SPTB: variants seen among roughly 807,000 people sequenced by gnomAD.
SPTB encodes spectrin beta, erythrocytic.
SPTB carries 45 observed loss-of-function variants against 256.2 expected under a neutral mutation model. The ratio of observed to expected loss-of-function variants is 0.18; its 90% CI spans 0.14 to 0.23. The LOEUF is 0.23. Ranked by LOEUF, SPTB falls within the 10% of genes least tolerant of loss-of-function variation. The probability of loss-of-function intolerance (pLI) is 1.00; values close to 1 mark genes in which losing one functional copy is unlikely to be tolerated. For missense variants in SPTB, 2,715 were observed against 3,040.4 expected (o/e 0.89, Z 2.52); for synonymous variants, 1,231 against 1,243.1 (o/e 0.99, Z 0.21).
chr14:64,767,441 C>T (rs999110030), intron 30 of SPTB, 89 bp from the exon 31 acceptor site: 2 of 1,553,330 alleles, frequency 1.3e-6, no homozygotes, highest in Non-Finnish European at 1.8e-6. Flanking sequence ...GCCCTGCACC[C>T]CCACATGCCC....
chr14:64,753,934 C>T (rs1324404085), intron 32 of SPTB, 141 bp from the exon 33 acceptor site: 6 of 1,105,354 alleles, frequency 5.4e-6, no homozygotes, highest in African/African-American at 1.5e-5. Flanking sequence ...TCCTGGCCCA[C>T]CCTGGCTCTC....
intron 32 of SPTB, among the ~76,000 whole-genome samples, chr14:64,761,878 T>G (rs1032431014): frequency 1.3e-5 from 2 of 152,018 alleles, no homozygotes. Context: ...GGTCACATCG[T>G]CCACTTCAAA....
rs138485044 is a variant in SPTB at position 64,790,139 on chromosome 14, G to A, written c.2804+1580C>T. On this transcript the variant is annotated intron_variant, in intron 15 of 35. Transcript: ENST00000644917. This position sits in a 1 kb window ranked among gnomAD's most constrained non-coding sequence, Gnocchi z 4.8. ...AAATGAGATAGGCTGCCGGGTGAGG[G>A]AGTGAGTTCCCCATCACTGGCTAGA... Among the ~76,000 whole-genome samples, 288 of 152,260 alleles carry A rather than the reference G, an allele frequency of 1.9e-3. No individual in the cohort carries two copies. Among genetic ancestry groups the A allele is most frequent in the African/African-American group, 5.7e-3 (238 of 41,554 alleles).
chr14:64,788,640 C>T (rs1477659818), intron 15 of SPTB, among the ~76,000 whole-genome samples: 1 of 152,148 alleles, frequency 6.6e-6, no homozygotes, highest in African/African-American at 2.4e-5. Context: ...GGCTGTGTCC[C>T]CAGGCAAGAG....
At chr14:64,776,663 A>T (rs1267129541) in intron 22 of SPTB, among the ~76,000 whole-genome samples, 1 of 152,204 alleles carries the variant, frequency 6.6e-6, no homozygotes, top group Non-Finnish European at 1.5e-5. Context: ...GCTGGTCTCA[A>T]ACTCCTGGGC....
intron 27 of SPTB, among the ~76,000 whole-genome samples, chr14:64,770,293 T>G (rs1290357043): frequency 6.6e-6 from 1 of 152,162 alleles, no homozygotes; most frequent in Non-Finnish European, 1.5e-5. Context: ...ACACACTAAA[T>G]GGATGAAGTG....
At chr14:64,851,769 A>T (rs540458280) in intron 1 of SPTB, among the ~76,000 whole-genome samples, 1 of 152,264 alleles carries the variant, frequency 6.6e-6, no homozygotes, top group East Asian at 1.9e-4. Flanking sequence ...AGGAATAGAA[A>T]ACCAAACACC....
intron 10 of SPTB, among the ~76,000 whole-genome samples, chr14:64,797,180 A>T (rs1386175917): frequency 6.6e-6 from 1 of 152,194 alleles, no homozygotes; most frequent in African/African-American, 2.4e-5. Flanking sequence ...CTCCAAAAAA[A>T]TGGACTCGGA....
intron 33 of SPTB, among the ~76,000 whole-genome samples, chr14:64,753,081 C>T (rs564063273): frequency 6.6e-6 from 1 of 152,108 alleles, no homozygotes; most frequent in Admixed American, 6.5e-5. Context: ...CTGAGGACAC[C>T]GAGGCCTAGA....
rs2139524083 is a variant in SPTB at position 64,777,615 on chromosome 14, A to G, written c.4563+1542T>C. Among the ~76,000 whole-genome samples, 1 of 152,168 alleles carries G rather than the reference A, an allele frequency of 6.6e-6. No individual in the cohort carries two copies. Among genetic ancestry groups the G allele is most frequent in the African/African-American group, 2.4e-5 (1 of 41,506 alleles). On this transcript the variant is annotated intron_variant, in intron 22 of 35. Transcript: ENST00000644917. This position sits in a 1 kb window ranked among gnomAD's most constrained non-coding sequence, Gnocchi z 4.5. The stretch of plus-strand genomic sequence containing the variant: ...CACCTAGGATCTTGTTGGAAATGCA[A>G]ATTATTAGGCTCTACCCCCAGAGCT...
rs2082418678 is a variant in SPTB at position 64,779,177 on chromosome 14, G to A, written c.4543C>T (p.Leu1515=). 6.2e-7 allele frequency: 1 copy of A among 1,613,964 alleles called. No homozygotes were observed. Among genetic ancestry groups the A allele is most frequent in the South Asian group, 1.1e-5 (1 of 91,076 alleles). ...CTCACCTGGTTCTTCTTCATGAACA[G>A]TTGCACAGTTTGCAGATTAGTGCCA... is the stretch of plus-strand genomic sequence containing the variant. ...DYGTNLQTVQ[L]FMKKNQTLQN... Residue 1515 remains leucine (L), a synonymous_variant, in exon 22 of 36, where the codon CTG becomes TTG. Transcript: ENST00000644917. This position sits in a 1 kb window ranked among gnomAD's most constrained non-coding sequence, Gnocchi z 4.2.
intron 15 of SPTB, among the ~76,000 whole-genome samples, chr14:64,789,736 G>C (rs2082637976): frequency 6.6e-6 from 1 of 152,134 alleles, no homozygotes; most frequent in Admixed American, 6.6e-5. Flanking sequence ...AAAGTCCTTG[G>C]GGACAAAAAT....
rs2082061173 is a variant in SPTB, at chr14:64,759,343, T to A, written c.6346-5550A>T. On this transcript the variant is annotated intron_variant, in intron 32 of 35. Transcript: ENST00000644917. This position sits in a 1 kb window ranked among gnomAD's most constrained non-coding sequence, Gnocchi z 4.8. ...GCCTGTGGCCCTGTTGGATCAGTCC[T>A]GCCTCTTTCTAGGCCAGATCCATCA... Among the ~76,000 whole-genome samples the A allele has an allele frequency of 6.6e-6, 1 of 152,214 alleles. No individual in the cohort carries two copies. The highest frequency in any genetic ancestry group is 1.5e-5 in the Non-Finnish European group (1 of 68,028).
chr14:64,775,505 C>T lies in SPTB; in HGVS notation c.4564-102G>A. On this transcript the variant is annotated intron_variant, in intron 22 of 35. Transcript: ENST00000644917. This position sits in a 1 kb window ranked among gnomAD's most constrained non-coding sequence, Gnocchi z 5.0. ...CTCTGACACCCTTGGTCCCTCTCACCCCCGTTGCTAGAGCAGAGCAGGTGA... is the reference window on the plus strand; with the variant it reads ...CTCTGACACCCTTGGTCCCTCTCACTCCCGTTGCTAGAGCAGAGCAGGTGA... 6.9e-7 allele frequency: 1 copy of T among 1,447,840 alleles called. No homozygotes were observed. Among genetic ancestry groups the T allele is most frequent in the Non-Finnish European group, 9.3e-7 (1 of 1,076,378 alleles). The allele number at this position is 1,447,840 out of a possible 1,614,324, so 89.7% of individuals were successfully genotyped here.
chr14:64,783,359 G>A (rs2082506161), intron 19 of SPTB, among the ~76,000 whole-genome samples: 1 of 152,048 alleles, frequency 6.6e-6, no homozygotes, highest in Non-Finnish European at 1.5e-5. Context: ...ATGCCACCAT[G>A]CCCAGATAAT....
At position 64,786,534 on chromosome 14, in the gene SPTB, T is replaced by A; in HGVS notation, c.3431A>T (p.Glu1144Val). ...PEYLLLGQRL[E>V]GLDTGWNALG... ...GGCATTCCAGCCAGTATCCAGGCCC[T>A]CCAGCCGCTGGCCCAGAAGCAGATA... The change falls in exon 16 of 36, where the codon GAG (glutamate) becomes GTG (valine). Residue 1144 changes from glutamate (E) to valine (V), a missense_variant. Transcript: ENST00000644917. The surrounding 1 kb of genome is among the most constrained non-coding windows in gnomAD (Gnocchi z 5.6). 6.2e-7 allele frequency: 1 copy of A among 1,613,466 alleles called. No homozygotes were observed. The highest frequency in any genetic ancestry group is 1.1e-5 in the South Asian group (1 of 91,078).
rs749872891 is a variant in SPTB at position 64,796,636 on chromosome 14, T to A, written c.1262A>T (p.Glu421Val). 1 of 1,614,212 alleles carries A rather than the reference T, an allele frequency of 6.2e-7. No individual in the cohort carries two copies. Among genetic ancestry groups the A allele is most frequent in the South Asian group, 1.1e-5 (1 of 91,088 alleles). Residue 421 changes from glutamate to valine, a missense_variant, in exon 11 of 36, where the codon GAG (glutamate) becomes GTG (valine). By Grantham distance (121) the Glu-to-Val change is moderately radical. This residue lies in a region of SPTB where 416 missense variants were observed against 571.1 expected (regional missense o/e 0.73). Transcript: ENST00000644917. This position sits in a 1 kb window ranked among gnomAD's most constrained non-coding sequence, Gnocchi z 4.1. ...CCGGTCAAAGCGCCGGGCCAGTTGC[T>A]CTAGCTTCTCCTGCCGAATGAGCTC... ...RNELIRQEKL[E>V]QLARRFDRKA...
chr14:64,788,776 C>A (rs1265553490), intron 15 of SPTB, among the ~76,000 whole-genome samples: 1 of 152,216 alleles, frequency 6.6e-6, no homozygotes, highest in Non-Finnish European at 1.5e-5. Context: ...GCCCCCTCCA[C>A]TGCACTGTCT....
At position 64,778,416 on chromosome 14, in the gene SPTB, G is replaced by A. The variant is rs78964602; in HGVS notation, c.4563+741C>T. 2.5e-3 allele frequency among the ~76,000 whole-genome samples: 387 copies of A among 152,300 alleles called. 3 individuals are homozygous for A. Among genetic ancestry groups the A allele is most frequent in the Non-Finnish European group, 4.8e-3 (327 of 68,026 alleles). The stretch of plus-strand genomic sequence containing the variant: ...TCCTTGCTGACCCAGAGAGCATGCA[G>A]AGGGAGGGTCTCTCTGTCCAAGAAG... On this transcript the variant is annotated intron_variant, in intron 22 of 35. Coordinates refer to ENST00000644917, the MANE Select transcript of SPTB (RefSeq NM_001355436.2). The surrounding 1 kb of genome is among the most constrained non-coding windows in gnomAD (Gnocchi z 5.2).
Sources: gnomAD v4.1 joint callset for allele counts (sites outside exome capture counted in the v4.1 genomes callset) on GRCh38, gnomAD v4.1.1 for gene constraint, gnomAD v4.1.1 regional missense constraint, Gnocchi (gnomAD v3.1) non-coding constraint, MANE v1.5 for transcripts, NCBI Gene and HGNC (gene_info 2026-07-23, HGNC 2026-07-21) for gene names.